The following PICK1 variants were observed in gnomAD, a reference collection of about 807,000 sequenced individuals.
PICK1 encodes the protein PRKCA-binding protein.
PICK1 carries 23 observed loss-of-function variants against 48.9 expected under a neutral mutation model. That is an observed-to-expected ratio of 0.47 (90% CI 0.34 to 0.67). The LOEUF is 0.67. Among genes scored for constraint, PICK1 ranks in the 30% least tolerant of loss-of-function variants. PICK1 has a pLI of 0.01. For synonymous variants in PICK1, 217 were observed against 228.2 expected, an observed-to-expected ratio of 0.95 and a Z score of 0.44; for missense variants, 423 against 557.1, an observed-to-expected ratio of 0.76 and a Z score of 2.42.
intron 2 of PICK1, among the ~76,000 whole-genome samples, chr22:38,058,465 A>T (rs1315823937): frequency 1.3e-5 from 2 of 152,114 alleles, no homozygotes; most frequent in Admixed American, 1.3e-4. Context: ...TTAATAGAGG[A>T]AGACTCCCTG....
At chr22:38,071,956 G>A in intron 8 of PICK1, 1 of 618,008 alleles carries the variant, frequency 1.6e-6, no homozygotes, top group South Asian at 1.8e-5. Context: ...GCCCCACCCT[G>A]TCTCCTCACA....
At chr22:38,068,272 C>A (rs2085581848) in intron 5 of PICK1, among the ~76,000 whole-genome samples, 1 of 152,222 alleles carries the variant, frequency 6.6e-6, no homozygotes, top group Admixed American at 6.5e-5. Context: ...AAGTTCCCTC[C>A]TGTTAGAGGG....
intron 4 of PICK1, 144 bp downstream of exon 4, chr22:38,065,274 C>A (rs1236551981): frequency 1.4e-5 from 11 of 769,718 alleles, no homozygotes; most frequent in Non-Finnish European, 2.3e-5. Flanking sequence ...CAGGGTCACA[C>A]TCCAGCCTCC....
rs1480586075 is a variant in PICK1 at position 38,066,127 on chromosome 22, C to T, written c.282+997C>T. 6.6e-6 allele frequency among the ~76,000 whole-genome samples: 1 copy of T among 152,158 alleles called. No homozygotes were observed. Among genetic ancestry groups the T allele is most frequent in the Non-Finnish European group, 1.5e-5 (1 of 68,036 alleles). ...TATTCCAGCCCCTTTAGCCATAGGA[C>T]AAATCAGGGCCTGGGGCTGGGGCTC... On this transcript the variant is annotated intron_variant, in intron 4 of 12. Coordinates refer to ENST00000356976, the MANE Select transcript of PICK1 (RefSeq NM_012407.4). This position sits in a 1 kb window ranked among gnomAD's most constrained non-coding sequence, Gnocchi z 4.1.
In PICK1 at chr22:38,071,667, C is replaced by G. The variant is rs561674600; in HGVS notation, c.494-15C>G. Reference sequence around the variant, plus strand: ...CCATGCGTCCCCATTCCGCATCACTCGGTCTCTCCCACAGGGATGACGGAA... The same window carrying G: ...CCATGCGTCCCCATTCCGCATCACTGGGTCTCTCCCACAGGGATGACGGAA... On this transcript the variant is annotated splice_polypyrimidine_tract_variant and intron_variant, in intron 7 of 12. Transcript: ENST00000356976. 6.2e-7 allele frequency: 1 copy of G among 1,611,878 alleles called. No homozygotes were observed. The highest frequency in any genetic ancestry group is 8.5e-7 in the Non-Finnish European group (1 of 1,178,648).
intron 7 of PICK1, 78 bp downstream of exon 7, chr22:38,070,969 C>A: frequency 8.6e-7 from 1 of 1,158,392 alleles, no homozygotes; most frequent in Non-Finnish European, 1.3e-6. Context: ...AACAGGGGTG[C>A]TGGCACTAGG....
chr22:38,060,957 C>T lies in PICK1; in HGVS notation c.153+1612C>T, dbSNP rs60882061. Among the ~76,000 whole-genome samples the T allele has an allele frequency of 8.9e-3, 1,352 of 152,004 alleles. 21 individuals carry two copies. Among genetic ancestry groups the T allele is most frequent in the African/African-American group, 0.031 (1,288 of 41,468 alleles). On this transcript the variant is annotated intron_variant, in intron 3 of 12. Coordinates refer to ENST00000356976, the MANE Select transcript of PICK1 (RefSeq NM_012407.4). ...AGAGAGAGGTTTTAGCTATGTTGGC[C>T]GGCCTGGTCTCGAACTCCTGGCCTC...
Position 38,073,734 on chromosome 22 carries a change from G to T in PICK1, c.784-39G>T. ...GGTGGAGCTGGGGACCTGGGGTGGG[G>T]GTAGTAGCCACTCTGACAGCCTCAC... On this transcript the variant is annotated intron_variant, in intron 10 of 12. Coordinates refer to ENST00000356976, the MANE Select transcript of PICK1 (RefSeq NM_012407.4). The surrounding 1 kb of genome is among the most constrained non-coding windows in gnomAD (Gnocchi z 5.7). The T allele has an allele frequency of 6.3e-7, 1 of 1,596,552 alleles. No homozygotes were observed. The highest frequency in any genetic ancestry group is 8.6e-7 in the Non-Finnish European group (1 of 1,165,112).
chr22:38,068,972 T>A (rs1601950398), intron 5 of PICK1, 61 bp from the exon 6 acceptor site: 1 of 1,381,454 alleles, frequency 7.2e-7, no homozygotes, highest in Non-Finnish European at 1.0e-6. Context: ...GAGGTAAGGC[T>A]GGGGGCAGGG....
chr22:38,057,927 C>T, intron 2 of PICK1, 77 bp downstream of exon 2: 1 of 1,157,324 alleles, frequency 8.6e-7, no homozygotes, highest in Non-Finnish European at 1.3e-6. Flanking sequence ...CCCAGTCCCA[C>T]AGACCCTTGC....
At chr22:38,058,009 A>T in intron 2 of PICK1, 159 bp downstream of exon 2, 1 of 715,636 alleles carries the variant, frequency 1.4e-6, no homozygotes, top group South Asian at 1.5e-5. Flanking sequence ...CACTATTTGT[A>T]GGGGGCTGTG....
chr22:38,065,320 C>A lies in PICK1; in HGVS notation c.282+190C>A. 1.1e-5 allele frequency: 7 copies of A among 619,546 alleles called. No individual in the cohort carries two copies. The East Asian group carries it at 1.3e-4, about 11-fold the overall frequency. The allele number at this position is 619,546 out of a possible 1,614,324, so 38.4% of individuals were successfully genotyped here. On this transcript the variant is annotated intron_variant, in intron 4 of 12. Coordinates refer to ENST00000356976, the MANE Select transcript of PICK1 (RefSeq NM_012407.4). The stretch of plus-strand genomic sequence containing the variant: ...CCTCATTCATTCAATAAATACTAAT[C>A]GTGCTCCAGGACTTGTGCTGAACCT...
intron 3 of PICK1, among the ~76,000 whole-genome samples, chr22:38,064,247 G>A (rs1233701400): frequency 6.6e-6 from 1 of 151,924 alleles, no homozygotes; most frequent in Non-Finnish European, 1.5e-5. Context: ...TAGTAGAGAT[G>A]GGGTTTCGCC....
intron 3 of PICK1, among the ~76,000 whole-genome samples, chr22:38,064,076 G>T (rs764405871): frequency 2.4e-4 from 37 of 151,658 alleles, no homozygotes; most frequent in African/African-American, 8.7e-4. Flanking sequence ...TATTATCTTC[G>T]AGACAGAGTC....
chr22:38,066,815 G>C lies in PICK1; in HGVS notation c.283-889G>C, dbSNP rs1343357132. On this transcript the variant is annotated intron_variant, in intron 4 of 12. Transcript: ENST00000356976. The surrounding 1 kb of genome is among the most constrained non-coding windows in gnomAD (Gnocchi z 4.1). ...GGGCTTTTGGTTTGCAAGGATGAGAGTGAACACAGCGCCCTCCCGTGCTCA... is the reference window on the plus strand; with the variant it reads ...GGGCTTTTGGTTTGCAAGGATGAGACTGAACACAGCGCCCTCCCGTGCTCA... Among the ~76,000 whole-genome samples, 1 of 152,262 alleles carries C rather than the reference G, an allele frequency of 6.6e-6. No individual in the cohort carries two copies. Among genetic ancestry groups the C allele is most frequent in the African/African-American group, 2.4e-5 (1 of 41,470 alleles).
chr22:38,067,693 T>C lies in PICK1; in HGVS notation c.283-11T>C, dbSNP rs775792334. On this transcript the variant is annotated splice_polypyrimidine_tract_variant and intron_variant, in intron 4 of 12. Coordinates refer to ENST00000356976, the MANE Select transcript of PICK1 (RefSeq NM_012407.4). ...GCCTCGCTCACTAGTCTGTGTGTGC[T>C]GCTCTTCCAGGGGGAGGTGACCATC... The C allele has an allele frequency of 6.2e-6, 10 of 1,612,708 alleles. No individual in the cohort carries two copies. The African/African-American group carries it at 9.3e-5, about 15-fold the overall frequency.
chr22:38,059,961 C>A (rs1350167279), intron 3 of PICK1, among the ~76,000 whole-genome samples: 1 of 152,224 alleles, frequency 6.6e-6, no homozygotes, highest in African/African-American at 2.4e-5. Context: ...CACCTGTAAT[C>A]CCAGCACTTT....
At chr22:38,057,297 G>C, upstream of PICK1, 1 of 183,266 alleles carries the variant, frequency 5.5e-6, no homozygotes, top group Non-Finnish European at 1.2e-5. Flanking sequence ...CTCGTTCTTG[G>C]TTCCGAGCGT....
Position 38,065,223 on chromosome 22 carries a change from G to C in PICK1, c.282+93G>C, listed in dbSNP as rs1005901629. ...GAGGTCCCAGCAGGCCTGGAAGGGG[G>C]TATCAGCCCTCACCGCCCCCTTCCT... On this transcript the variant is annotated intron_variant, in intron 4 of 12. Transcript: ENST00000356976. The C allele has an allele frequency of 6.1e-6, 8 of 1,315,430 alleles. 1 individual carries two copies. In the South Asian group the frequency reaches 8.8e-5, roughly 14 times the overall value. 81.5% of individuals were successfully genotyped at this position (1,315,430 alleles called of 1,614,324 possible). A position where few individuals can be genotyped will look rare whatever the true frequency, so the allele number is the denominator to read the frequency against.
Sources: allele counts gnomAD v4.1 joint callset (sites outside exome capture counted in the v4.1 genomes callset), GRCh38; gene constraint gnomAD v4.1.1; non-coding constraint Gnocchi (gnomAD v3.1); transcripts MANE v1.5; gene names NCBI Gene and HGNC (gene_info 2026-07-23, HGNC 2026-07-21).